The following CCDC141 variants were observed in gnomAD, a reference collection of about 807,000 sequenced individuals.
CCDC141 encodes the protein coiled-coil domain-containing protein 141.
Under a neutral mutation model 181.0 loss-of-function variants are expected in CCDC141, and 168 were observed. The observed-to-expected ratio is 0.93, with a 90% CI of 0.82 to 1.05. The LOEUF (loss-of-function observed/expected upper bound fraction) is 1.05. Ranked by LOEUF, CCDC141 falls within the 50% of genes least tolerant of loss-of-function variation. The pLI, the probability that CCDC141 is intolerant of heterozygous loss-of-function variation, is 0.00. For synonymous variants in CCDC141, 666 were observed against 642.3 expected (o/e 1.04, Z -0.56); for missense variants, 1,902 against 1,788.5 (o/e 1.06, Z -1.14).
intron 6 of CCDC141, among the ~76,000 whole-genome samples, chr2:178,930,959 CTT>C (rs1488281221): frequency 2.6e-5 from 4 of 152,020 alleles, no homozygotes; most frequent in Non-Finnish European, 4.4e-5. Flanking sequence ...ATAAATAAAA[CTT>C]TATCAAAATT....
chr2:178,897,808 G>A (rs1687484182), intron 8 of CCDC141, among the ~76,000 whole-genome samples: 1 of 152,058 alleles, frequency 6.6e-6, no homozygotes, highest in Admixed American at 6.6e-5. Flanking sequence ...AAAAAATGAG[G>A]TCCTCATTTT....
intron 7 of CCDC141, among the ~76,000 whole-genome samples, chr2:178,911,181 G>A (rs1475042063): frequency 6.6e-6 from 1 of 152,164 alleles, no homozygotes; most frequent in Non-Finnish European, 1.5e-5. Flanking sequence ...TATGTACTCA[G>A]CTACGTGCTG....
chr2:178,819,597 T>C, the CCDC141 span, among the ~76,000 whole-genome samples: 1 of 152,182 alleles, frequency 6.6e-6, no homozygotes, highest in African/African-American at 2.4e-5. Context: ...CAACCAGGGA[T>C]GATTTTCTGC....
intron 6 of CCDC141, among the ~76,000 whole-genome samples, chr2:178,930,729 G>T (rs989160519): frequency 6.6e-6 from 1 of 152,044 alleles, no homozygotes; most frequent in Non-Finnish European, 1.5e-5. Context: ...CCAACAAATT[G>T]TGCAGGGACA....
chr2:178,861,188 A>G (rs1015557941), intron 17 of CCDC141, among the ~76,000 whole-genome samples: 2 of 151,530 alleles, frequency 1.3e-5, no homozygotes, highest in African/African-American at 4.8e-5. Flanking sequence ...TTTCTTTTCA[A>G]TAGAGTCTCA....
intron 2 of CCDC141, among the ~76,000 whole-genome samples, chr2:179,009,311 T>C (rs559665171): frequency 6.6e-6 from 1 of 152,328 alleles, no homozygotes; most frequent in East Asian, 1.9e-4. Flanking sequence ...TTTTAAATAG[T>C]TCTCCCCCCT....
chr2:178,934,217 A>T (rs1344899262), intron 6 of CCDC141, among the ~76,000 whole-genome samples: 1 of 152,186 alleles, frequency 6.6e-6, no homozygotes, highest in Non-Finnish European at 1.5e-5. Flanking sequence ...GGTTGAAGCT[A>T]TAGAAGTACA....
At chr2:178,839,612 T>G (rs1167790911) in intron 22 of CCDC141, among the ~76,000 whole-genome samples, 4 of 115,626 alleles carry the variant, frequency 3.5e-5, no homozygotes, top group Non-Finnish European at 5.4e-5. Flanking sequence ...AAAAAATGTG[T>G]TTTCAGGTTG....
intron 2 of CCDC141, among the ~76,000 whole-genome samples, chr2:178,981,650 A>ATATGTATG (rs1553495349): frequency 1.6e-5 from 2 of 127,322 alleles, no homozygotes; most frequent in Non-Finnish European, 3.3e-5. Context: ...ATATATATAT[A>ATATGTATG]TATATATACA....
chr2:179,026,760 C>T (rs1367506428), intron 2 of CCDC141, among the ~76,000 whole-genome samples: 1 of 152,216 alleles, frequency 6.6e-6, no homozygotes, highest in Non-Finnish European at 1.5e-5. Context: ...GAGGCTGAAC[C>T]CTGCAAAGCC....
intron 18 of CCDC141, 108 bp downstream of exon 18, chr2:178,856,148 CA>C (rs1445214746): frequency 1.5e-5 from 15 of 1,021,172 alleles, no homozygotes; most frequent in Non-Finnish European, 2.1e-5. Context: ...CCCAATGCTA[CA>C]AAAAGCCAGA....
intron 8 of CCDC141, among the ~76,000 whole-genome samples, chr2:178,897,396 T>C (rs1370900813): frequency 6.6e-6 from 1 of 152,202 alleles, no homozygotes; most frequent in Non-Finnish European, 1.5e-5. Flanking sequence ...CCAAAGGAAG[T>C]AGCAGTAGCC....
chr2:178,855,537 A>G lies in CCDC141; in HGVS notation c.2870T>C (p.Leu957Ser). Residue 957 changes from leucine (L) to serine (S), a missense_variant, in exon 19 of 24, where the codon TTG becomes TCG. Transcript: ENST00000443758. ...VDMYAEKMQA[L>S]KRKMEKVSNK... The stretch of plus-strand genomic sequence containing the variant: ...ACTAACTTTTTCCATTTTCCTTTTC[A>G]AAGCCTGTGTGAAAAACAAAAAGTT... 6.4e-7 allele frequency: 1 copy of G among 1,574,528 alleles called. No individual in the cohort carries two copies. The highest frequency in any genetic ancestry group is 8.6e-7 in the Non-Finnish European group (1 of 1,165,052).
chr2:178,865,770 A>T lies in CCDC141; in HGVS notation c.2721T>A (p.Asn907Lys). Residue 907 changes from asparagine (N) to lysine (K), a missense_variant, in exon 17 of 24, where the codon AAT becomes AAA. Transcript: ENST00000443758. The part of the protein sequence containing the change: ...VEYCAMRDEI[N>K]ELKDSFKDIK... Reference sequence around the variant, plus strand: ...TTCTCACCCCTCCCACACCCACCTCATTTATCTCGTCTCTCATGGCGCAGT... The same window carrying T: ...TTCTCACCCCTCCCACACCCACCTCTTTTATCTCGTCTCTCATGGCGCAGT... 1 of 1,519,638 alleles carries T rather than the reference A, an allele frequency of 6.6e-7. No individual in the cohort carries two copies. The highest frequency in any genetic ancestry group is 8.8e-7 in the Non-Finnish European group (1 of 1,133,400). The allele number at this position is 1,519,638 out of a possible 1,614,324, so 94.1% of individuals were successfully genotyped here. A position where few individuals can be genotyped will look rare whatever the true frequency, so the allele number is the denominator to read the frequency against.
chr2:179,013,334 A>G (rs2042325044), intron 2 of CCDC141, among the ~76,000 whole-genome samples: 1 of 152,196 alleles, frequency 6.6e-6, no homozygotes, highest in South Asian at 2.1e-4. Context: ...AACCAAGCGG[A>G]GAATCAAATC....
At chr2:178,931,300 G>A (rs1483320635) in intron 6 of CCDC141, among the ~76,000 whole-genome samples, 1 of 151,990 alleles carries the variant, frequency 6.6e-6, no homozygotes, top group Non-Finnish European at 1.5e-5. Flanking sequence ...ATACCACATG[G>A]TCTAGCAATT....
In CCDC141 at chr2:178,855,431, T is replaced by C; in HGVS notation, c.2976A>G (p.Lys992=). Residue 992 remains lysine, a synonymous_variant, in exon 19 of 24, where the codon AAA becomes AAG. Transcript: ENST00000443758. Reference sequence around the variant, plus strand: ...CAACTTTGTCAAAGTCATCCACATGTTTTTGCAAATCCTTCATGACTTCCA... The same window carrying C: ...CAACTTTGTCAAAGTCATCCACATGCTTTTGCAAATCCTTCATGACTTCCA... ...VLLEVMKDLQ[K]HVDDFDKVVT... is the part of the protein sequence containing the mutation. 1 of 1,612,074 alleles carries C rather than the reference T, an allele frequency of 6.2e-7. No individual in the cohort carries two copies. Among genetic ancestry groups the C allele is most frequent in the Non-Finnish European group, 8.5e-7 (1 of 1,179,220 alleles).
At chr2:178,851,573 A>G (rs1165204070) in intron 20 of CCDC141, among the ~76,000 whole-genome samples, 1 of 152,188 alleles carries the variant, frequency 6.6e-6, no homozygotes, top group Non-Finnish European at 1.5e-5. Flanking sequence ...AGCCATCTGC[A>G]AGCCAAGCAG....
chr2:178,988,386 G>A (rs1378565915), intron 2 of CCDC141, among the ~76,000 whole-genome samples: 5 of 151,032 alleles, frequency 3.3e-5, no homozygotes, highest in African/African-American at 1.2e-4. Context: ...GAGTTAGTGG[G>A]TGCAGCACAC....
Sources: gnomAD v4.1 joint callset for allele counts (sites outside exome capture counted in the v4.1 genomes callset) on GRCh38, gnomAD v4.1.1 for gene constraint, MANE v1.5 for transcripts, NCBI Gene and HGNC (gene_info 2026-07-23, HGNC 2026-07-21) for gene names.